Variants in SLIT3 observed in about 807,000 individuals in gnomAD.
The protein encoded by SLIT3 is slit homolog 3 protein.
Under a neutral mutation model 184.0 loss-of-function variants are expected in SLIT3, and 68 were observed. The observed-to-expected ratio is 0.37, with a 90% CI of 0.30 to 0.45. SLIT3 has a LOEUF of 0.45. Ranked by LOEUF, SLIT3 falls within the 20% of genes least tolerant of loss-of-function variation. The probability of loss-of-function intolerance (pLI) is 1.00; values close to 1 mark genes in which losing one functional copy is unlikely to be tolerated. For synonymous variants in SLIT3, 831 were observed against 828.6 expected (o/e 1.00, Z -0.05); for missense variants, 1,707 against 2,026.0 (o/e 0.84, Z 3.02).
intron 4 of SLIT3, among the ~76,000 whole-genome samples, chr5:169,125,489 T>A (rs1761046833): frequency 6.6e-6 from 1 of 152,202 alleles, no homozygotes; most frequent in South Asian, 2.1e-4. Context: ...GAAATGCCCT[T>A]CTTTGGGAAA....
intron 3 of SLIT3, among the ~76,000 whole-genome samples, chr5:169,236,718 C>T (rs181300309): frequency 2.4e-4 from 36 of 152,244 alleles, no homozygotes; most frequent in Admixed American, 3.9e-4. Context: ...GATCCACCCA[C>T]CTTGGGCTCC....
chr5:169,015,956 A>C (rs1017507272), intron 4 of SLIT3, among the ~76,000 whole-genome samples: 1 of 140,276 alleles, frequency 7.1e-6, no homozygotes, highest in East Asian at 2.5e-4. Flanking sequence ...ACACACACAC[A>C]CACACACACA....
At chr5:168,892,685 A>C (rs184563520) in intron 4 of SLIT3, among the ~76,000 whole-genome samples, 54 of 152,376 alleles carry the variant, frequency 3.5e-4, no homozygotes, top group Non-Finnish European at 6.6e-4. Context: ...TTCCAGGGCT[A>C]TCAGAGTTAA....
Position 168,774,438 on chromosome 5 carries a change from G to A in SLIT3, c.1152-60C>T, listed in dbSNP as rs112540484. 527 of 1,521,698 alleles carry A rather than the reference G, an allele frequency of 3.5e-4. 4 individuals are homozygous for A. In the Middle Eastern group the frequency reaches 5.2e-3, roughly 15 times the overall value. The allele number at this position is 1,521,698 out of a possible 1,614,324, so 94.3% of individuals were successfully genotyped here. ...TCCTGGTAATTACCTGCGGGGCAAG[G>A]GTTGCACCTGCAGGGGATGGGCTGC... On this transcript the variant is annotated intron_variant, in intron 12 of 35. Coordinates refer to ENST00000519560, the MANE Select transcript of SLIT3 (RefSeq NM_003062.4).
chr5:168,682,162 C>G (rs1187987834), intron 32 of SLIT3, among the ~76,000 whole-genome samples: 1 of 152,192 alleles, frequency 6.6e-6, no homozygotes, highest in African/African-American at 2.4e-5. Flanking sequence ...CTTCTGGTGT[C>G]CACTGTGCCC....
At chr5:169,086,720 C>G (rs534938811) in intron 4 of SLIT3, among the ~76,000 whole-genome samples, 1 of 152,276 alleles carries the variant, frequency 6.6e-6, no homozygotes, top group East Asian at 1.9e-4. Flanking sequence ...TAACGTGGGT[C>G]AAGAGTCTTA....
At chr5:168,828,300 G>A (rs1023632495) in intron 6 of SLIT3, among the ~76,000 whole-genome samples, 4 of 152,022 alleles carry the variant, frequency 2.6e-5, no homozygotes, top group African/African-American at 9.7e-5. Context: ...TCCACCTTGG[G>A]TTGTGCATGG....
At chr5:168,886,035 C>G (rs144938915) in intron 4 of SLIT3, among the ~76,000 whole-genome samples, 2 of 152,188 alleles carry the variant, frequency 1.3e-5, no homozygotes, top group Non-Finnish European at 2.9e-5. Context: ...TCCTACTTTA[C>G]GGAGCCAGTT....
At chr5:169,253,573 A>G (rs1028841069) in intron 1 of SLIT3, among the ~76,000 whole-genome samples, 4 of 152,118 alleles carry the variant, frequency 2.6e-5, no homozygotes, top group African/African-American at 9.7e-5. Flanking sequence ...TGAGGCTGAC[A>G]ATCTTGACCT....
At chr5:168,761,148 T>A (rs114572097) in intron 15 of SLIT3, among the ~76,000 whole-genome samples, 7 of 152,164 alleles carry the variant, frequency 4.6e-5, no homozygotes, top group Non-Finnish European at 5.9e-5. Context: ...GGAGGAAGCC[T>A]CCTTCGGCTG....
At chr5:169,081,397 A>G (rs1759045402) in intron 4 of SLIT3, among the ~76,000 whole-genome samples, 4 of 152,130 alleles carry the variant, frequency 2.6e-5, no homozygotes, top group Admixed American at 2.6e-4. Context: ...TTCATAATTC[A>G]TCTTAATGAA....
At chr5:169,135,736 A>G (rs996879480) in intron 4 of SLIT3, among the ~76,000 whole-genome samples, 2 of 152,230 alleles carry the variant, frequency 1.3e-5, no homozygotes, top group African/African-American at 4.8e-5. Flanking sequence ...AAAATGACAG[A>G]ACTAGGCAAT....
chr5:169,211,783 T>TC (rs1329535200), intron 3 of SLIT3, among the ~76,000 whole-genome samples: 1 of 152,098 alleles, frequency 6.6e-6, no homozygotes, highest in Non-Finnish European at 1.5e-5. Context: ...ATGCTATCCC[T>TC]CCCCTAGCCC....
chr5:169,206,142 G>T (rs367838289), intron 3 of SLIT3, among the ~76,000 whole-genome samples: 2 of 152,306 alleles, frequency 1.3e-5, no homozygotes, highest in African/African-American at 4.8e-5. Flanking sequence ...GTTGGGGGCA[G>T]GGAAGAGGGA....
intron 12 of SLIT3, among the ~76,000 whole-genome samples, chr5:168,780,070 A>G (rs1186104946): frequency 6.6e-5 from 10 of 152,252 alleles, no homozygotes; most frequent in Admixed American, 2.0e-4. Flanking sequence ...CTTAATGATC[A>G]ATTGCATCAA....
chr5:168,727,221 G>C (rs1193690155), intron 20 of SLIT3, among the ~76,000 whole-genome samples: 1 of 152,142 alleles, frequency 6.6e-6, no homozygotes, highest in East Asian at 1.9e-4. Context: ...TAGGGAGGCT[G>C]AGGCAGGAGA....
At chr5:169,089,856 G>T (rs1405902696) in intron 4 of SLIT3, among the ~76,000 whole-genome samples, 3 of 152,212 alleles carry the variant, frequency 2.0e-5, no homozygotes, top group Non-Finnish European at 2.9e-5. Flanking sequence ...AGAGGTAGGG[G>T]CTGTGTGTGT....
intron 3 of SLIT3, among the ~76,000 whole-genome samples, chr5:169,211,779 T>A (rs1022053790): frequency 6.6e-6 from 1 of 152,152 alleles, no homozygotes; most frequent in African/African-American, 2.4e-5. Flanking sequence ...CCTAATGCTA[T>A]CCCTCCCCTA....
At chr5:168,900,639 C>T (rs1404222292) in intron 4 of SLIT3, among the ~76,000 whole-genome samples, 2 of 145,642 alleles carry the variant, frequency 1.4e-5, no homozygotes, top group African/African-American at 2.5e-5. Context: ...CAAAACAAAA[C>T]AAAACAAAAA....
Sources: gnomAD v4.1 joint callset for allele counts (sites outside exome capture counted in the v4.1 genomes callset) on GRCh38, gnomAD v4.1.1 for gene constraint, MANE v1.5 for transcripts, NCBI Gene and HGNC (gene_info 2026-07-23, HGNC 2026-07-21) for gene names.